Variants in COL6A3 observed in about 807,000 individuals in gnomAD.
COL6A3 encodes collagen alpha-3(VI) chain.
In COL6A3, 137 loss-of-function variants were observed where a neutral mutation model predicts 274.1. That is an observed-to-expected ratio of 0.50 (90% CI 0.44 to 0.58). The LOEUF (loss-of-function observed/expected upper bound fraction) is 0.58, where lower values mean the gene tolerates loss of function less well. COL6A3 is among the 20% of genes least tolerant of loss of function. The pLI is 0.00. For missense variants in COL6A3, 3,950 were observed against 4,124.9 expected (o/e 0.96, Z 1.16); for synonymous variants, 1,650 against 1,650.6 (o/e 1.00, Z 0.01).
rs915585400 is a variant in COL6A3 at position 237,350,131 on chromosome 2, C to A, written c.6879+16G>T. ...GAGTCAGCGACAGCCTGACCCCAAG[C>A]GCGCTGTGACCTTACCGTCTCCCCA... On this transcript the variant is annotated intron_variant, in intron 28 of 43. Transcript: ENST00000295550. 2.5e-6 allele frequency: 4 copies of A among 1,613,700 alleles called. No homozygotes were observed. The highest frequency in any genetic ancestry group is 3.4e-6 in the Non-Finnish European group (4 of 1,179,764).
In COL6A3 at chr2:237,361,899, C is replaced by CT; in HGVS notation, c.6064-69dup. On this transcript the variant is annotated intron_variant, in intron 14 of 43. Transcript: ENST00000295550. The surrounding 1 kb of genome is among the most constrained non-coding windows in gnomAD (Gnocchi z 5.1). ...TGCCCAGCAGAAAATCATAAATGCG[C>CT]TTTAAGGGTCAAAATCGGATGTGTG... 7.2e-7 allele frequency: 1 copy of CT among 1,395,458 alleles called. No individual in the cohort carries two copies. Among genetic ancestry groups the CT allele is most frequent in the South Asian group, 1.2e-5 (1 of 86,622 alleles). 86.4% of individuals were successfully genotyped at this position (1,395,458 alleles called of 1,614,324 possible).
At chr2:237,349,035 T>C (rs976322729) in intron 28 of COL6A3, among the ~76,000 whole-genome samples, 2 of 152,194 alleles carry the variant, frequency 1.3e-5, no homozygotes, top group African/African-American at 4.8e-5. Context: ...CGTAAGTCTT[T>C]GATTCTACTT....
In COL6A3 at chr2:237,373,703, A is replaced by AC. The variant is rs149293449; in HGVS notation, c.3679+708dup. 2.1e-3 allele frequency among the ~76,000 whole-genome samples: 318 copies of AC among 149,376 alleles called. 2 individuals are homozygous for AC. In the South Asian group the frequency reaches 0.03, roughly 14 times the overall value. On this transcript the variant is annotated intron_variant, in intron 8 of 43. Transcript: ENST00000295550. ...GCATCTGCCTCCTTCGCCACTGTGA[A>AC]CCCCCCCCACCCGAGTGACCCGGGA...
At chr2:237,340,309 G>T in intron 38 of COL6A3, 143 bp downstream of exon 38, 1 of 760,226 alleles carries the variant, frequency 1.3e-6, no homozygotes, top group South Asian at 1.6e-5. Context: ...TGTGGCATAT[G>T]GCAGGTGTCA....
chr2:237,395,732 C>A (rs962546745), intron 2 of COL6A3, among the ~76,000 whole-genome samples: 2 of 152,114 alleles, frequency 1.3e-5, no homozygotes, highest in East Asian at 3.8e-4. Flanking sequence ...GTTCTTTAAG[C>A]GAGGAGGACT....
Position 237,413,157 on chromosome 2 carries a change from C to T in COL6A3, c.-31+796G>A, listed in dbSNP as rs1488963877. On this transcript the variant is annotated intron_variant, in intron 1 of 43. Transcript: ENST00000295550. This position sits in a 1 kb window ranked among gnomAD's most constrained non-coding sequence, Gnocchi z 4.0. Reference sequence around the variant, plus strand: ...ATCCTCCGGGCCAGAGAACAGCCCTCGGGGCCTCCCAGCTCGGCACTGGCC... The same window carrying T: ...ATCCTCCGGGCCAGAGAACAGCCCTTGGGGCCTCCCAGCTCGGCACTGGCC... Among the ~76,000 whole-genome samples, 1 of 152,216 alleles carries T rather than the reference C, an allele frequency of 6.6e-6. No individual in the cohort carries two copies. Among genetic ancestry groups the T allele is most frequent in the African/African-American group, 2.4e-5 (1 of 41,458 alleles).
At chr2:237,380,816 G>A in intron 5 of COL6A3, 99 bp downstream of exon 5, 1 of 1,100,140 alleles carries the variant, frequency 9.1e-7, no homozygotes, top group Non-Finnish European at 1.4e-6. Context: ...ATCATTTGTT[G>A]TCTCTTAGCT....
intron 13 of COL6A3, 106 bp from the exon 14 acceptor site, chr2:237,363,504 C>A (rs1292468348): frequency 3.9e-6 from 5 of 1,294,414 alleles, no homozygotes; most frequent in Non-Finnish European, 5.5e-6. Flanking sequence ...TAAAATTTAG[C>A]TTTTAACTTA....
intron 1 of COL6A3, among the ~76,000 whole-genome samples, chr2:237,401,508 G>A (rs1420677455): frequency 6.6e-6 from 1 of 152,078 alleles, no homozygotes; most frequent in Non-Finnish European, 1.5e-5. Context: ...TTCCAAGGCT[G>A]CTTTATCATA....
At chr2:237,391,060 G>T (rs1391401292) in intron 3 of COL6A3, among the ~76,000 whole-genome samples, 2 of 152,186 alleles carry the variant, frequency 1.3e-5, no homozygotes, top group Non-Finnish European at 2.9e-5. Context: ...CAGACAGGTA[G>T]TAAGAAGAGG....
chr2:237,362,421 C>A (rs1334687996), intron 14 of COL6A3, among the ~76,000 whole-genome samples: 1 of 152,226 alleles, frequency 6.6e-6, no homozygotes, highest in African/African-American at 2.4e-5. Context: ...TGGCCCCTGA[C>A]CTTATGTGGG....
intron 1 of COL6A3, among the ~76,000 whole-genome samples, chr2:237,406,910 T>C (rs1344877114): frequency 6.9e-6 from 1 of 145,208 alleles, no homozygotes; most frequent in African/African-American, 2.5e-5. Context: ...TTTTTCCCTT[T>C]TTTTTTTTTT....
chr2:237,376,218 T>A (rs1284149649), intron 7 of COL6A3, among the ~76,000 whole-genome samples: 1 of 152,188 alleles, frequency 6.6e-6, no homozygotes, highest in Non-Finnish European at 1.5e-5. Flanking sequence ...GAAATTACTC[T>A]CTTCACTGCA....
At chr2:237,351,552 C>T (rs2077206630) in intron 26 of COL6A3, among the ~76,000 whole-genome samples, 1 of 152,180 alleles carries the variant, frequency 6.6e-6, no homozygotes, top group South Asian at 2.1e-4. Context: ...CAGTGAGCAC[C>T]TGGTACATAT....
At chr2:237,397,507 G>A (rs1384519814) in intron 1 of COL6A3, among the ~76,000 whole-genome samples, 1 of 151,928 alleles carries the variant, frequency 6.6e-6, no homozygotes, top group Non-Finnish European at 1.5e-5. Flanking sequence ...GAGGGAGGAA[G>A]GGAGGAGGCA....
In COL6A3 at chr2:237,354,924, C is replaced by T. The variant is rs1457132966; in HGVS notation, c.6602G>A (p.Gly2201Asp). 1 of 1,613,802 alleles carries T rather than the reference C, an allele frequency of 6.2e-7. No homozygotes were observed. Among genetic ancestry groups the T allele is most frequent in the Non-Finnish European group, 8.5e-7 (1 of 1,179,888 alleles). The part of the protein sequence containing the change: ...PGETGKNGGF[G>D]RRGPPGAKGN... ...CTTAGCTCCGGGGGGTCCCCTTCGG[C>T]CAAAGCCACCCTGTGGAAGAAAAAG... Residue 2201 changes from glycine (G) to aspartate (D), a missense_variant, in exon 24 of 44, where the codon GGC becomes GAC. Physicochemically the swap from Gly to Asp is moderately conservative, Grantham distance 94. This residue lies in a region of COL6A3 where 1,284 missense variants were observed against 1,349.7 expected (regional missense o/e 0.95). Transcript: ENST00000295550.
rs1301384877 is a variant in COL6A3 at position 237,361,916 on chromosome 2, G to A, written c.6064-85C>T. 2.2e-5 allele frequency: 25 copies of A among 1,157,084 alleles called. No individual in the cohort carries two copies. The highest frequency in any genetic ancestry group is 1.2e-4 in the African/African-American group (8 of 66,120). The allele number at this position is 1,157,084 out of a possible 1,614,324, so 71.7% of individuals were successfully genotyped here. On this transcript the variant is annotated intron_variant, in intron 14 of 43. Coordinates refer to ENST00000295550, the MANE Select transcript of COL6A3 (RefSeq NM_004369.4). The surrounding 1 kb of genome is among the most constrained non-coding windows in gnomAD (Gnocchi z 5.1). ...TAAATGCGCTTTAAGGGTCAAAATCGGATGTGTGGGGGTTTCACGGTGTGA... is the reference window on the plus strand; with the variant it reads ...TAAATGCGCTTTAAGGGTCAAAATCAGATGTGTGGGGGTTTCACGGTGTGA...
rs757316442 is a variant in COL6A3, at chr2:237,381,397, A to G, written c.1415T>C (p.Ile472Thr). ...NAIRDFIAKV[I>T]QRLEIGQDLI... The stretch of plus-strand genomic sequence containing the variant: ...ATCCTGTCCGATTTCCAGCCTCTGG[A>G]TGACTTTAGCAATGAAGTCTCGGAT... The change falls in exon 5 of 44, where the codon ATC becomes ACC. Residue 472 changes from isoleucine (I) to threonine (T), a missense_variant. Around this residue, in one of 5 missense-constraint regions of COL6A3, gnomAD observed 1,934 missense variants for 1,984.3 expected, o/e 0.97. Transcript: ENST00000295550. 4 of 1,613,884 alleles carry G rather than the reference A, an allele frequency of 2.5e-6. No individual in the cohort carries two copies. Among genetic ancestry groups the G allele is most frequent in the East Asian group, 2.2e-5 (1 of 44,892 alleles).
At chr2:237,404,357 T>C (rs2078671349) in intron 1 of COL6A3, among the ~76,000 whole-genome samples, 1 of 152,140 alleles carries the variant, frequency 6.6e-6, no homozygotes, top group African/African-American at 2.4e-5. Flanking sequence ...CCCCAAAAGT[T>C]TAAGCATCAC....
Sources: gnomAD v4.1 joint callset for allele counts (sites outside exome capture counted in the v4.1 genomes callset) on GRCh38, gnomAD v4.1.1 for gene constraint, gnomAD v4.1.1 regional missense constraint, Gnocchi (gnomAD v3.1) non-coding constraint, MANE v1.5 for transcripts, NCBI Gene and HGNC (gene_info 2026-07-23, HGNC 2026-07-21) for gene names.